Variants in LRMDA observed in about 807,000 individuals in gnomAD.
LRMDA encodes the protein leucine-rich melanocyte differentiation-associated protein.
Under a neutral mutation model 29.8 loss-of-function variants are expected in LRMDA, and 18 were observed. The observed-to-expected ratio is 0.60, with a 90% CI of 0.42 to 0.90. The LOEUF is 0.90. Ranked by LOEUF, LRMDA falls within the 40% of genes least tolerant of loss-of-function variation. The pLI, the probability that LRMDA is intolerant of heterozygous loss-of-function variation, is 0.00. For synonymous variants in LRMDA, 125 were observed against 109.4 expected (o/e 1.14, Z -0.89); for missense variants, 273 against 273.9 (o/e 1.00, Z 0.02).
chr10:76,076,506 C>G (rs191200174), intron 5 of LRMDA, among the ~76,000 whole-genome samples: 1 of 151,948 alleles, frequency 6.6e-6, no homozygotes, highest in Non-Finnish European at 1.5e-5. Flanking sequence ...TTGTCACGCA[C>G]GTGATCTCAT....
At chr10:76,541,632 A>G (rs1278754766) in intron 6 of LRMDA, among the ~76,000 whole-genome samples, 1 of 152,198 alleles carries the variant, frequency 6.6e-6, no homozygotes. Flanking sequence ...ATGTTAGATT[A>G]GCACATTTTG....
rs115254619 is a variant in LRMDA, at chr10:75,437,887, G to T, written c.31-507G>T. 4.2e-3 allele frequency among the ~76,000 whole-genome samples: 645 copies of T among 152,224 alleles called. 8 individuals carry two copies. Among genetic ancestry groups the T allele is most frequent in the African/African-American group, 0.015 (622 of 41,544 alleles). The stretch of plus-strand genomic sequence containing the variant: ...ACACAGTGGCAACTGGATGGGATTT[G>T]TGGTCTGGGGAGGTTTTCTTTTCCA... On this transcript the variant is annotated intron_variant, in intron 1 of 6. Transcript: ENST00000611255.
At chr10:76,318,358 A>G (rs934312467) in intron 5 of LRMDA, 1 of 152,224 alleles carries the variant, frequency 6.6e-6, no homozygotes, top group Admixed American at 6.5e-5. Flanking sequence ...GCACTGGCAG[A>G]ACTGGGCCCC....
At chr10:75,973,455 G>A (rs546695990) in intron 2 of LRMDA, among the ~76,000 whole-genome samples, 7 of 139,808 alleles carry the variant, frequency 5.0e-5, no homozygotes, top group Admixed American at 1.5e-4. Context: ...TTTTGCTCTT[G>A]TGGCTCAAGC....
chr10:75,915,120 C>CTTTT lies in LRMDA; in HGVS notation c.132-120862_132-120859dup, dbSNP rs71024579. Among the ~76,000 whole-genome samples the CTTTT allele has an allele frequency of 2.3e-3, 172 of 75,248 alleles. 13 individuals are homozygous for CTTTT. The highest frequency in any genetic ancestry group is 0.017 in the East Asian group (39 of 2,352). 49.4% of individuals were successfully genotyped at this position (75,248 alleles called of 152,430 possible). On this transcript the variant is annotated intron_variant, in intron 2 of 6. Coordinates refer to ENST00000611255, the MANE Select transcript of LRMDA (RefSeq NM_001305581.2). ...CTTAGAAATTCTCATGTCTAACCTT[C>CTTTT]TTTTTTTTTTTTTTTTTTTTTTTTT...
intron 2 of LRMDA, among the ~76,000 whole-genome samples, chr10:75,848,671 GT>G (rs1430245879): frequency 6.6e-6 from 1 of 152,050 alleles, no homozygotes; most frequent in African/African-American, 2.4e-5. Context: ...ATGCATTACA[GT>G]GTTACTCACT....
intron 2 of LRMDA, among the ~76,000 whole-genome samples, chr10:75,486,378 T>C (rs537750912): frequency 2.0e-5 from 3 of 152,304 alleles, no homozygotes; most frequent in African/African-American, 7.2e-5. Context: ...TTGATCCGCT[T>C]GACTTAACAT....
intron 4 of LRMDA, among the ~76,000 whole-genome samples, chr10:76,048,474 T>C (rs1364535665): frequency 6.6e-5 from 10 of 152,212 alleles, no homozygotes; most frequent in Admixed American, 5.2e-4. Context: ...CTATTTGTTT[T>C]TTCTATTGTA....
At chr10:76,505,613 C>T (rs1366277196) in intron 6 of LRMDA, among the ~76,000 whole-genome samples, 7 of 151,956 alleles carry the variant, frequency 4.6e-5, no homozygotes, top group African/African-American at 1.4e-4. Context: ...TCCAGAAGTT[C>T]AGTTTGGTTC....
At chr10:76,494,355 T>C (rs1402493529) in intron 6 of LRMDA, among the ~76,000 whole-genome samples, 2 of 150,572 alleles carry the variant, frequency 1.3e-5, no homozygotes, top group Admixed American at 6.6e-5. Flanking sequence ...TGACTGTTAA[T>C]GTTTTGTAAT....
chr10:76,110,429 C>T (rs1029262415), intron 5 of LRMDA, among the ~76,000 whole-genome samples: 2 of 152,228 alleles, frequency 1.3e-5, no homozygotes, highest in African/African-American at 4.8e-5. Context: ...TTGAACAGAT[C>T]TTTGCAAAAT....
At chr10:76,261,066 T>TTTC (rs1444839981) in intron 5 of LRMDA, among the ~76,000 whole-genome samples, 65 of 140,834 alleles carry the variant, frequency 4.6e-4, no homozygotes, top group South Asian at 2.1e-3. Context: ...TTTCTTTTCT[T>TTTC]TTTTTTTTTT....
At chr10:76,551,101 C>G (rs547066217) in intron 6 of LRMDA, among the ~76,000 whole-genome samples, 1 of 151,478 alleles carries the variant, frequency 6.6e-6, no homozygotes, top group South Asian at 2.1e-4. Flanking sequence ...AATGTCCCTT[C>G]CCACTGTATG....
intron 2 of LRMDA, among the ~76,000 whole-genome samples, chr10:75,931,034 C>G (rs1846197165): frequency 2.0e-5 from 3 of 152,160 alleles, no homozygotes; most frequent in African/African-American, 7.2e-5. Flanking sequence ...ACTGAAACCC[C>G]AAGGCATTTT....
chr10:76,352,691 T>C (rs1197491875), intron 6 of LRMDA, among the ~76,000 whole-genome samples: 1 of 152,172 alleles, frequency 6.6e-6, no homozygotes, highest in Non-Finnish European at 1.5e-5. Context: ...GACTACTGTA[T>C]ACATATTGTT....
At chr10:76,416,562 G>A (rs915554906) in intron 6 of LRMDA, among the ~76,000 whole-genome samples, 3 of 152,180 alleles carry the variant, frequency 2.0e-5, no homozygotes, top group Non-Finnish European at 1.5e-5. Flanking sequence ...GTGGTTATGT[G>A]CTCAACACTG....
intron 6 of LRMDA, among the ~76,000 whole-genome samples, chr10:76,486,944 A>G (rs1842788020): frequency 6.6e-6 from 1 of 151,942 alleles, no homozygotes. Flanking sequence ...AGTTTTAACT[A>G]CTTCTACTTG....
chr10:75,475,891 C>T (rs907062144), intron 2 of LRMDA, among the ~76,000 whole-genome samples: 1 of 152,094 alleles, frequency 6.6e-6, no homozygotes, highest in Non-Finnish European at 1.5e-5. Context: ...TTTCTCCTTC[C>T]GAAAGAAGGC....
chr10:76,157,150 G>A (rs1433732989), intron 5 of LRMDA, among the ~76,000 whole-genome samples: 1 of 152,134 alleles, frequency 6.6e-6, no homozygotes, highest in African/African-American at 2.4e-5. Flanking sequence ...AGAGTTGGGA[G>A]ACTCCCTTTT....
Sources: gnomAD v4.1 joint callset for allele counts (sites outside exome capture counted in the v4.1 genomes callset) on GRCh38, gnomAD v4.1.1 for gene constraint, MANE v1.5 for transcripts, NCBI Gene and HGNC (gene_info 2026-07-23, HGNC 2026-07-21) for gene names.